KCTD1: variants seen among roughly 807,000 people sequenced by gnomAD.
KCTD1 encodes potassium channel tetramerization domain containing 1.
In KCTD1, 24 loss-of-function variants were observed where a neutral mutation model predicts 66.0. That is an observed-to-expected ratio of 0.36 (90% CI 0.26 to 0.51). KCTD1 has a LOEUF of 0.51. Ranked by LOEUF, KCTD1 falls within the 20% of genes least tolerant of loss-of-function variation. The pLI, the probability that KCTD1 is intolerant of heterozygous loss-of-function variation, is 0.95. For missense variants in KCTD1, 943 were observed against 1,205.2 expected (o/e 0.78, Z 3.22); for synonymous variants, 511 against 517.2 (o/e 0.99, Z 0.16).
At chr18:26,473,563 T>TTAATAATAA (rs10551915) in intron 3 of KCTD1, among the ~76,000 whole-genome samples, 1,470 of 146,704 alleles carry the variant, frequency 0.01, 20 homozygotes, top group East Asian at 0.062. Flanking sequence ...GAACTTAAAA[T>TTAATAATAA]TAATAATAAT....
intron 1 of KCTD1, among the ~76,000 whole-genome samples, chr18:26,531,306 A>T (rs1417571498): frequency 1.3e-5 from 2 of 152,218 alleles, no homozygotes; most frequent in Admixed American, 6.5e-5. Flanking sequence ...AGCCTGGGCA[A>T]CATAGGGAGA....
At chr18:26,650,675 AGGATCAGTACCAT>A (rs1384019351) in intron 1 of KCTD1, among the ~76,000 whole-genome samples, 3 of 152,336 alleles carry the variant, frequency 2.0e-5, no homozygotes, top group South Asian at 2.1e-4. Flanking sequence ...AGGATAGAGA[AGGATCAGTACCAT>A]GGACCAATGT....
intron 1 of KCTD1, among the ~76,000 whole-genome samples, chr18:26,571,689 G>A (rs924252819): frequency 3.3e-5 from 5 of 151,800 alleles, no homozygotes; most frequent in Admixed American, 3.3e-4. Flanking sequence ...TAAGAATGTG[G>A]AACTTACAGA....
chr18:26,602,595 C>T (rs1289564960), intron 1 of KCTD1, among the ~76,000 whole-genome samples: 2 of 152,226 alleles, frequency 1.3e-5, no homozygotes, highest in Admixed American at 1.3e-4. Flanking sequence ...CCAGGTCCCT[C>T]TTCCAGAGTC....
intron 2 of KCTD1, among the ~76,000 whole-genome samples, chr18:26,481,858 T>G (rs979688874): frequency 1.3e-5 from 2 of 152,032 alleles, no homozygotes; most frequent in South Asian, 2.1e-4. Flanking sequence ...GGCATCTGTA[T>G]TTTTTTTAAA....
chr18:26,587,178 T>G (rs1327967550), intron 1 of KCTD1, among the ~76,000 whole-genome samples: 1 of 152,232 alleles, frequency 6.6e-6, no homozygotes, highest in African/African-American at 2.4e-5. Flanking sequence ...TGGAAGCCAG[T>G]GCTCATTTAT....
intron 1 of KCTD1, among the ~76,000 whole-genome samples, chr18:26,576,842 T>C (rs906453862): frequency 6.6e-6 from 1 of 152,212 alleles, no homozygotes; most frequent in African/African-American, 2.4e-5. Context: ...ATTAAAATGT[T>C]CAATGCACTT....
At chr18:26,524,734 A>G (rs1033979939) in intron 1 of KCTD1, among the ~76,000 whole-genome samples, 1 of 152,214 alleles carries the variant, frequency 6.6e-6, no homozygotes, top group Non-Finnish European at 1.5e-5. Context: ...GGCTGTCTCT[A>G]AAGAGGAAAA....
At chr18:26,617,346 C>T (rs990719358) in intron 1 of KCTD1, among the ~76,000 whole-genome samples, 28 of 152,236 alleles carry the variant, frequency 1.8e-4, no homozygotes, top group African/African-American at 6.8e-4. Flanking sequence ...GGAATGTATG[C>T]TGTCAACTGC....
chr18:26,536,184 C>T lies in KCTD1; in HGVS notation c.1809+10544G>A, dbSNP rs551006338. Among the ~76,000 whole-genome samples, 9 of 152,234 alleles carry T rather than the reference C, an allele frequency of 5.9e-5. No individual in the cohort carries two copies. In the South Asian group the frequency reaches 1.5e-3, roughly 25 times the overall value. On this transcript the variant is annotated intron_variant, in intron 1 of 4. Transcript: ENST00000580059. ...GAGAGGTGAATGAAACCACGCTGGG[C>T]TCCAAAGCCATACATTTAGTGAGTG...
chr18:26,622,488 C>A (rs184873468), intron 1 of KCTD1, among the ~76,000 whole-genome samples: 1 of 152,158 alleles, frequency 6.6e-6, no homozygotes, highest in African/African-American at 2.4e-5. Context: ...CACCTACACC[C>A]AACCCTGGAG....
intron 1 of KCTD1, among the ~76,000 whole-genome samples, chr18:26,542,437 T>C (rs531078746): frequency 3.3e-5 from 5 of 152,346 alleles, no homozygotes; most frequent in South Asian, 2.1e-4. Context: ...CTAGTTTACA[T>C]GTACGTTCCT....
chr18:26,514,405 G>A (rs3898814), intron 1 of KCTD1, among the ~76,000 whole-genome samples: 90,478 of 151,708 alleles, frequency 0.6, 27,293 homozygotes, highest in Middle Eastern at 0.76. Context: ...TTAAAAAACT[G>A]GCTGGGCGTA....
At chr18:26,628,531 A>G (rs1368098683) in intron 1 of KCTD1, among the ~76,000 whole-genome samples, 1 of 152,194 alleles carries the variant, frequency 6.6e-6, no homozygotes, top group East Asian at 1.9e-4. Flanking sequence ...GGTCAACTTG[A>G]AAGTTCTAAA....
chr18:26,583,705 T>G (rs1320828194), intron 1 of KCTD1, among the ~76,000 whole-genome samples: 1 of 152,208 alleles, frequency 6.6e-6, no homozygotes. Context: ...TACAATGAGG[T>G]CACTAATGAG....
intron 2 of KCTD1, among the ~76,000 whole-genome samples, chr18:26,492,727 A>G (rs573561003): frequency 2.6e-5 from 4 of 152,244 alleles, no homozygotes; most frequent in African/African-American, 9.6e-5. Context: ...CCTGGCTCTT[A>G]CCCCATTTCC....
At chr18:26,575,367 C>G (rs1487742301) in intron 1 of KCTD1, 2 of 152,190 alleles carry the variant, frequency 1.3e-5, no homozygotes, top group Non-Finnish European at 1.5e-5. Flanking sequence ...TGGGAAACCA[C>G]ATGCAGCGTC....
intron 1 of KCTD1, among the ~76,000 whole-genome samples, chr18:26,615,337 C>A (rs1416083055): frequency 6.6e-6 from 1 of 152,104 alleles, no homozygotes; most frequent in Non-Finnish European, 1.5e-5. Flanking sequence ...TGGGTTATGT[C>A]AAAGCTACTG....
chr18:26,455,594 A>G lies in KCTD1; in HGVS notation c.*149T>C. 1.3e-6 allele frequency: 1 copy of G among 770,262 alleles called. No individual in the cohort carries two copies. The highest frequency in any genetic ancestry group is 2.1e-6 in the Non-Finnish European group (1 of 472,356). The allele number at this position is 770,262 out of a possible 1,614,324, so 47.7% of individuals were successfully genotyped here. On this transcript the variant is annotated 3_prime_UTR_variant, in exon 5 of 5. Coordinates refer to ENST00000580059, the MANE Select transcript of KCTD1 (RefSeq NM_001142730.3). The stretch of plus-strand genomic sequence containing the variant: ...ATTCCAATTGTTCCCATATGAATAC[A>G]GGTGTGGTCTCTATTGGATATAAAT...
Sources: gnomAD v4.1 joint callset for allele counts (sites outside exome capture counted in the v4.1 genomes callset) on GRCh38, gnomAD v4.1.1 for gene constraint, MANE v1.5 for transcripts, NCBI Gene and HGNC (gene_info 2026-07-23, HGNC 2026-07-21) for gene names.